Variants in RUNX1T1 observed in about 807,000 individuals in gnomAD.
RUNX1T1 encodes protein CBFA2T1.
In RUNX1T1, 4 loss-of-function variants were observed where a neutral mutation model predicts 62.8. The ratio of observed to expected loss-of-function variants is 0.06; its 90% CI spans 0.03 to 0.15. The LOEUF is 0.15. Ranked by LOEUF, RUNX1T1 falls within the 10% of genes least tolerant of loss-of-function variation. The probability of loss-of-function intolerance (pLI) is 1.00; values close to 1 mark genes in which losing one functional copy is unlikely to be tolerated. For missense variants in RUNX1T1, 508 were observed against 754.3 expected (o/e 0.67, Z 3.82); for synonymous variants, 291 against 286.0 (o/e 1.02, Z -0.18).
At chr8:92,067,548 A>G (rs1833045967), upstream of RUNX1T1, among the ~76,000 whole-genome samples, 1 of 152,380 alleles carries the variant, frequency 6.6e-6, no homozygotes, top group South Asian at 2.1e-4. Flanking sequence ...TAAACCAAAT[A>G]GTCTCTATGA....
At chr8:92,099,957 T>C (rs1439967488), upstream of RUNX1T1, among the ~76,000 whole-genome samples, 1 of 152,226 alleles carries the variant, frequency 6.6e-6, no homozygotes, top group African/African-American at 2.4e-5. Context: ...TGCTCTTTTA[T>C]CTACAAATAT....
rs369853140 is a variant in RUNX1T1 at position 92,008,552 on chromosome 8, T to C, written c.477+2450A>G. 5.9e-5 allele frequency among the ~76,000 whole-genome samples: 9 copies of C among 152,176 alleles called. No individual in the cohort carries two copies. In the East Asian group the frequency reaches 1.4e-3, roughly 23 times the overall value. On this transcript the variant is annotated intron_variant, in intron 4 of 10. Transcript: ENST00000396218. ...CTTCTGTTAAGAATGCCAGCAATAT[T>C]GAACCAAGCAGGCAAACATAGTTAT...
At chr8:92,038,193 G>T (rs1563819110) in intron 1 of RUNX1T1, among the ~76,000 whole-genome samples, 1 of 151,972 alleles carries the variant, frequency 6.6e-6, no homozygotes, top group Admixed American at 6.6e-5. Context: ...GGGACTATAG[G>T]CATGTGCCAC....
At chr8:92,080,976 C>T (rs74361957) in intron 1 of RUNX1T1, among the ~76,000 whole-genome samples, 5,078 of 152,296 alleles carry the variant, frequency 0.033, 299 homozygotes, top group African/African-American at 0.12. Context: ...AATATCTTCT[C>T]TGTTGCAGAT....
intron 1 of RUNX1T1, among the ~76,000 whole-genome samples, chr8:92,084,786 C>T (rs1835841938): frequency 6.6e-6 from 1 of 152,088 alleles, no homozygotes; most frequent in African/African-American, 2.4e-5. Context: ...GTGAAGCAAC[C>T]CAGGGTTTTA....
downstream of RUNX1T1, chr8:91,955,162 C>G (rs997146801): frequency 1.4e-5 from 3 of 216,226 alleles, no homozygotes; most frequent in African/African-American, 6.8e-5. Context: ...GCGTCCACCA[C>G]CTGGAAGTCT....
At chr8:92,031,227 T>A (rs1826158474) in intron 1 of RUNX1T1, among the ~76,000 whole-genome samples, 1 of 152,174 alleles carries the variant, frequency 6.6e-6, no homozygotes, top group Non-Finnish European at 1.5e-5. Context: ...AACATAAGCA[T>A]CTTGCACATA....
chr8:92,054,944 G>T (rs1436623325), intron 1 of RUNX1T1, among the ~76,000 whole-genome samples: 2 of 152,156 alleles, frequency 1.3e-5, no homozygotes, highest in Non-Finnish European at 2.9e-5. Context: ...GATGGAGGTT[G>T]CAGTGAGCCA....
At chr8:91,973,408 G>T (rs1813267673) in intron 9 of RUNX1T1, among the ~76,000 whole-genome samples, 2 of 151,756 alleles carry the variant, frequency 1.3e-5, no homozygotes, top group Admixed American at 1.3e-4. Context: ...AAAATAAAAT[G>T]ATGCAAAAAG....
intron 5 of RUNX1T1, chr8:92,004,372 A>T (rs1820332496): frequency 6.6e-6 from 1 of 152,244 alleles, no homozygotes; most frequent in South Asian, 2.1e-4. Context: ...TCAGAAGATA[A>T]TTATAGATGA....
chr8:92,079,595 A>G (rs1204100692), intron 1 of RUNX1T1, among the ~76,000 whole-genome samples: 1 of 152,200 alleles, frequency 6.6e-6, no homozygotes. Context: ...CTAGTTTCAC[A>G]AGCTTCCTTA....
At chr8:91,963,668 A>G (rs1811004897) in intron 10 of RUNX1T1, among the ~76,000 whole-genome samples, 1 of 152,218 alleles carries the variant, frequency 6.6e-6, no homozygotes. Flanking sequence ...TCTACTGTTC[A>G]CAAAGGTGGA....
Position 92,095,580 on chromosome 8 carries a change from G to GCC in RUNX1T1, c.-86+3999_-86+4000insGG, listed in dbSNP as rs1837672524. 2.8e-6 allele frequency: 4 copies of GCC among 1,444,804 alleles called. No individual in the cohort carries two copies. In the South Asian group the frequency reaches 5.9e-5, roughly 21 times the overall value. The allele number at this position is 1,444,804 out of a possible 1,614,324, so 89.5% of individuals were successfully genotyped here. On this transcript the variant is annotated intron_variant, in intron 1 of 11. Transcript: ENST00000265814. Reference sequence around the variant, plus strand: ...GGAGGCAGGAAAATAAACAGAGGGTGCGTGTGAGACGGAGCGGGAGAGGGA... The same window carrying GCC: ...GGAGGCAGGAAAATAAACAGAGGGTGCCCGTGTGAGACGGAGCGGGAGAGGGA...
intron 10 of RUNX1T1, among the ~76,000 whole-genome samples, chr8:91,967,887 G>C (rs1278368659): frequency 6.6e-6 from 1 of 152,096 alleles, no homozygotes; most frequent in Non-Finnish European, 1.5e-5. Flanking sequence ...AGGGAGGAAA[G>C]AATATTGTTT....
At chr8:92,018,777 C>T (rs1416527908) in intron 1 of RUNX1T1, among the ~76,000 whole-genome samples, 1 of 152,106 alleles carries the variant, frequency 6.6e-6, no homozygotes, top group Non-Finnish European at 1.5e-5. Context: ...GTTGATATCA[C>T]TTTAGGGAAG....
intron 1 of RUNX1T1, among the ~76,000 whole-genome samples, chr8:92,029,028 A>C (rs926063852): frequency 6.6e-6 from 1 of 152,236 alleles, no homozygotes; most frequent in Non-Finnish European, 1.5e-5. Flanking sequence ...ACGGTAGCAC[A>C]GACACTCAGT....
At chr8:92,059,487 C>G (rs1831563286) in intron 1 of RUNX1T1, among the ~76,000 whole-genome samples, 1 of 152,140 alleles carries the variant, frequency 6.6e-6, no homozygotes, top group African/African-American at 2.4e-5. Flanking sequence ...AATGCCAAAT[C>G]AATTTTCAGC....
chr8:92,004,062 T>G (rs1301139606), intron 5 of RUNX1T1, among the ~76,000 whole-genome samples: 5 of 152,196 alleles, frequency 3.3e-5, no homozygotes, highest in African/African-American at 7.2e-5. Context: ...TAAATAACAT[T>G]CTGATTTGCA....
chr8:92,057,616 A>T (rs1351812886), intron 1 of RUNX1T1, among the ~76,000 whole-genome samples: 2 of 152,180 alleles, frequency 1.3e-5, no homozygotes, highest in Non-Finnish European at 2.9e-5. Flanking sequence ...GGATTTTCTG[A>T]TTCCTTTGAT....
Sources: gnomAD v4.1 joint callset for allele counts (sites outside exome capture counted in the v4.1 genomes callset) on GRCh38, gnomAD v4.1.1 for gene constraint, MANE v1.5 for transcripts, NCBI Gene and HGNC (gene_info 2026-07-23, HGNC 2026-07-21) for gene names.